Variants in INPP4B observed in about 807,000 individuals in gnomAD.
INPP4B encodes inositol polyphosphate 4-phosphatase type II.
A neutral mutation model predicts 122.5 loss-of-function variants in INPP4B; 55 were observed. That is an observed-to-expected ratio of 0.45 (90% CI 0.36 to 0.56). The LOEUF (loss-of-function observed/expected upper bound fraction) is 0.56, where lower values mean the gene tolerates loss of function less well. Among genes scored for constraint, INPP4B ranks in the 20% least tolerant of loss-of-function variants. The pLI is 0.00. For synonymous variants in INPP4B, 403 were observed against 388.7 expected (o/e 1.04, Z -0.43); for missense variants, 1,000 against 1,097.7 (o/e 0.91, Z 1.26).
intron 7 of INPP4B, among the ~76,000 whole-genome samples, chr4:142,338,428 T>C (rs113608636): frequency 0.11 from 16,839 of 152,056 alleles, 3,129 homozygotes; most frequent in African/African-American, 0.38. Context: ...TTAGTAGAGA[T>C]GGGGTTTCAC....
At chr4:142,801,349 A>G (rs1777985520) in intron 1 of INPP4B, among the ~76,000 whole-genome samples, 1 of 152,194 alleles carries the variant, frequency 6.6e-6, no homozygotes, top group Admixed American at 6.5e-5. Flanking sequence ...GAGGGCCTTT[A>G]GAAAGGCAGT....
At chr4:142,739,821 C>T (rs1340887490) in intron 1 of INPP4B, among the ~76,000 whole-genome samples, 2 of 152,110 alleles carry the variant, frequency 1.3e-5, no homozygotes, top group African/African-American at 4.8e-5. Flanking sequence ...TTAAGAAACG[C>T]TACAAGCACC....
chr4:142,463,753 A>C (rs1350790039), intron 2 of INPP4B, among the ~76,000 whole-genome samples: 1 of 152,018 alleles, frequency 6.6e-6, no homozygotes, highest in East Asian at 1.9e-4. Flanking sequence ...TGGTTTTATA[A>C]GATCTTCCCC....
At chr4:142,276,366 G>A (rs1748394090) in intron 9 of INPP4B, among the ~76,000 whole-genome samples, 1 of 151,820 alleles carries the variant, frequency 6.6e-6, no homozygotes. Context: ...ATCAGGATCT[G>A]TCAAAGTTTA....
chr4:142,753,912 T>G (rs912557550), intron 1 of INPP4B, among the ~76,000 whole-genome samples: 3 of 152,054 alleles, frequency 2.0e-5, no homozygotes, highest in African/African-American at 7.2e-5. Flanking sequence ...TCCTGAAATC[T>G]CAAGTATAAT....
intron 2 of INPP4B, among the ~76,000 whole-genome samples, chr4:142,533,678 A>T (rs1827875321): frequency 1.3e-5 from 2 of 152,164 alleles, no homozygotes; most frequent in South Asian, 4.1e-4. Context: ...AAAACGTAAT[A>T]AAAATGTTAC....
chr4:142,246,050 A>AC (rs1728441986), intron 11 of INPP4B, among the ~76,000 whole-genome samples: 2 of 62,100 alleles, frequency 3.2e-5, no homozygotes, highest in African/African-American at 4.7e-5. Context: ...GTATACACAC[A>AC]TTATATATAT....
intron 15 of INPP4B, among the ~76,000 whole-genome samples, chr4:142,191,857 T>C (rs1351376816): frequency 6.6e-6 from 1 of 152,134 alleles, no homozygotes; most frequent in Non-Finnish European, 1.5e-5. Context: ...GAGTTAATAT[T>C]GTACCAAAGT....
intron 12 of INPP4B, among the ~76,000 whole-genome samples, chr4:142,228,050 A>C (rs572495256): frequency 6.6e-6 from 1 of 152,030 alleles, no homozygotes; most frequent in African/African-American, 2.4e-5. Context: ...GACTTTCAAA[A>C]ATACTAAAAA....
intron 7 of INPP4B, among the ~76,000 whole-genome samples, chr4:142,367,302 T>A (rs1416010802): frequency 6.6e-6 from 1 of 151,890 alleles, no homozygotes; most frequent in Non-Finnish European, 1.5e-5. Flanking sequence ...AGGTTAAAGA[T>A]GATACAGTAA....
chr4:142,593,121 G>A (rs1445658130), intron 2 of INPP4B, among the ~76,000 whole-genome samples: 1 of 151,080 alleles, frequency 6.6e-6, no homozygotes, highest in Non-Finnish European at 1.5e-5. Flanking sequence ...AAAAAAAAAT[G>A]GTAGTGTAAA....
At chr4:142,794,901 G>A (rs1420941126) in intron 1 of INPP4B, among the ~76,000 whole-genome samples, 1 of 151,314 alleles carries the variant, frequency 6.6e-6, no homozygotes, top group African/African-American at 2.4e-5. Flanking sequence ...ACAAATCCTA[G>A]GTGTGTGTGT....
At chr4:142,182,375 C>T (rs888315769) in intron 15 of INPP4B, among the ~76,000 whole-genome samples, 3 of 151,834 alleles carry the variant, frequency 2.0e-5, no homozygotes, top group Admixed American at 6.6e-5. Context: ...GGTGAAACCT[C>T]ATCTCTACAA....
chr4:142,154,208 A>AT (rs747352568), intron 17 of INPP4B, among the ~76,000 whole-genome samples: 4 of 152,030 alleles, frequency 2.6e-5, no homozygotes, highest in South Asian at 2.1e-4. Context: ...TGACTTAGGG[A>AT]TAAAAAAAAA....
intron 5 of INPP4B, among the ~76,000 whole-genome samples, chr4:142,414,655 C>T (rs17016073): frequency 0.015 from 2,265 of 152,288 alleles, 50 homozygotes; most frequent in African/African-American, 0.052. Context: ...CCTATTTTGT[C>T]TTGCTTTCAT....
intron 1 of INPP4B, among the ~76,000 whole-genome samples, chr4:142,831,616 A>T (rs1782149488): frequency 6.6e-6 from 1 of 152,234 alleles, no homozygotes; most frequent in Non-Finnish European, 1.5e-5. Flanking sequence ...TCAATGAATT[A>T]TGATTAGGCT....
At chr4:142,739,288 T>G (rs1218956952) in intron 1 of INPP4B, among the ~76,000 whole-genome samples, 2 of 152,064 alleles carry the variant, frequency 1.3e-5, no homozygotes, top group Non-Finnish European at 2.9e-5. Context: ...CTTTATCTTT[T>G]TGCATTGGTT....
chr4:142,406,260 TG>T (rs1471809001), intron 5 of INPP4B, among the ~76,000 whole-genome samples: 1 of 151,986 alleles, frequency 6.6e-6, no homozygotes, highest in East Asian at 1.9e-4. Context: ...GAGCTATGGA[TG>T]GGGGAAGTAG....
At chr4:142,577,805 T>C (rs1367110886) in intron 2 of INPP4B, among the ~76,000 whole-genome samples, 1 of 151,984 alleles carries the variant, frequency 6.6e-6, no homozygotes, top group African/African-American at 2.4e-5. Flanking sequence ...TTTTTGGCTG[T>C]TGGTCAGCGG....
Sources: allele counts gnomAD v4.1 joint callset (sites outside exome capture counted in the v4.1 genomes callset), GRCh38; gene constraint gnomAD v4.1.1; transcripts MANE v1.5; gene names NCBI Gene and HGNC (gene_info 2026-07-23, HGNC 2026-07-21).